The following RTN4 variants were observed in gnomAD, a reference collection of about 807,000 sequenced individuals.
The protein encoded by RTN4 is reticulon-4.
Under a neutral mutation model 90.4 loss-of-function variants are expected in RTN4, and 32 were observed. That is an observed-to-expected ratio of 0.35 (90% CI 0.27 to 0.48). The LOEUF (loss-of-function observed/expected upper bound fraction) is 0.48, where lower values mean the gene tolerates loss of function less well. Ranked by LOEUF, RTN4 falls within the 20% of genes least tolerant of loss-of-function variation. The pLI is 0.99. For missense variants in RTN4, 1,706 were observed against 1,430.2 expected (o/e 1.19, Z -3.11); for synonymous variants, 629 against 552.5 (o/e 1.14, Z -1.94).
Position 55,050,018 on chromosome 2 carries a change from G to C in RTN4, c.283C>G (p.Pro95Ala), listed in dbSNP as rs1668013058. 7.2e-7 allele frequency: 1 copy of C among 1,387,136 alleles called. No individual in the cohort carries two copies. Among genetic ancestry groups the C allele is most frequent in the Admixed American group, 3.5e-5 (1 of 28,470 alleles). 85.9% of individuals were successfully genotyped at this position (1,387,136 alleles called of 1,614,324 possible). Residue 95 changes from proline (P) to alanine (A), a missense_variant, in exon 1 of 9, where the codon CCG (proline) becomes GCG (alanine). By Grantham distance (27) the Pro-to-Ala change is conservative. Transcript: ENST00000337526. The surrounding 1 kb of genome is among the most constrained non-coding windows in gnomAD (Gnocchi z 4.6). ...TCCGGGGCGACGGGGGGAGCGGCCGGCAGGGGTCCCCGGGGCGCCGGCGGC... is the reference window on the plus strand; with the variant it reads ...TCCGGGGCGACGGGGGGAGCGGCCGCCAGGGGTCCCCGGGGCGCCGGCGGC... Reference protein sequence around the residue: ...FVPPAPRGPLPAAPPVAPERQ... With the variant: ...FVPPAPRGPLAAAPPVAPERQ...
chr2:55,078,307 T>C (rs1035662623), intron 2 of RTN4, among the ~76,000 whole-genome samples: 1 of 152,202 alleles, frequency 6.6e-6, no homozygotes. Flanking sequence ...GGTGCAATCA[T>C]GGCTCACTGC....
chr2:55,050,918 G>A (rs1668073951), upstream of RTN4: 1 of 152,238 alleles, frequency 6.6e-6, no homozygotes. The surrounding 1 kb of genome is among the most constrained non-coding windows in gnomAD (Gnocchi z 4.6). Flanking sequence ...GTTATCCTGG[G>A]GGAACTGAGA....
At chr2:55,098,166 G>C (rs1157867423) in intron 1 of RTN4, among the ~76,000 whole-genome samples, 1 of 152,034 alleles carries the variant, frequency 6.6e-6, no homozygotes, top group Non-Finnish European at 1.5e-5. Flanking sequence ...TTTTTCACCT[G>C]TTAGAGGCAG....
intron 3 of RTN4, among the ~76,000 whole-genome samples, chr2:55,017,067 T>A (rs1158545073): frequency 6.6e-6 from 1 of 152,178 alleles, no homozygotes; most frequent in Admixed American, 6.5e-5. Context: ...ATATAATCGT[T>A]TCCTTTATTA....
intron 3 of RTN4, among the ~76,000 whole-genome samples, chr2:54,988,540 G>T (rs891243213): frequency 3.3e-5 from 5 of 152,032 alleles, no homozygotes; most frequent in East Asian, 1.9e-4. Context: ...TTTTGTGCTA[G>T]TAATAACTCT....
At chr2:54,992,448 A>C (rs146162469) in intron 3 of RTN4, among the ~76,000 whole-genome samples, 1 of 152,330 alleles carries the variant, frequency 6.6e-6, no homozygotes, top group East Asian at 1.9e-4. Flanking sequence ...AAGCTAAGTG[A>C]AATTAACAAG....
chr2:54,973,737 G>T, intron 7 of RTN4, 84 bp downstream of exon 7: 2 of 1,503,452 alleles, frequency 1.3e-6, no homozygotes, highest in South Asian at 1.1e-5. Flanking sequence ...GTAAGACATT[G>T]AAAATGGGCA....
At chr2:55,038,707 T>C (rs1682859699) in intron 1 of RTN4, among the ~76,000 whole-genome samples, 2 of 152,224 alleles carry the variant, frequency 1.3e-5, no homozygotes, top group Non-Finnish European at 2.9e-5. Context: ...CAACTTCTTA[T>C]AAAGTTAAAT....
the RTN4 span, among the ~76,000 whole-genome samples, chr2:55,136,124 T>C: frequency 6.6e-6 from 1 of 152,150 alleles, no homozygotes; most frequent in Non-Finnish European, 1.5e-5. Flanking sequence ...CACCTAAAGC[T>C]GGTGATCAGC....
the RTN4 span, among the ~76,000 whole-genome samples, chr2:55,123,499 GT>G: frequency 6.6e-6 from 1 of 152,020 alleles, no homozygotes; most frequent in Non-Finnish European, 1.5e-5. Flanking sequence ...TTGAGATCTT[GT>G]ATTTGCCAAA....
chr2:55,128,757 T>C, the RTN4 span, among the ~76,000 whole-genome samples: 1 of 150,596 alleles, frequency 6.6e-6, no homozygotes, highest in Non-Finnish European at 1.5e-5. Context: ...AAAGAACTAA[T>C]ATTCAGTATA....
At position 55,025,248 on chromosome 2, in the gene RTN4, A is replaced by G. The variant is rs749462351; in HGVS notation, c.2851T>C (p.Leu951=). Residue 951 remains leucine, a synonymous_variant, in exon 3 of 9, where the codon TTG becomes CTG. Transcript: ENST00000337526. ...GCCAAAGCAGAAACATCTGGAGGCAATAAGAGCACCTTTGATGTAGCAGAC... is the reference window on the plus strand; with the variant it reads ...GCCAAAGCAGAAACATCTGGAGGCAGTAAGAGCACCTTTGATGTAGCAGAC... ...NGSATSKVLL[L]PPDVSALATQ... The G allele has an allele frequency of 1.2e-5, 20 of 1,613,916 alleles. No homozygotes were observed. In the East Asian group the frequency reaches 1.3e-4, roughly 11 times the overall value.
At chr2:55,119,694 G>T in the RTN4 span, among the ~76,000 whole-genome samples, 3 of 152,182 alleles carry the variant, frequency 2.0e-5, no homozygotes, top group Non-Finnish European at 2.9e-5. Context: ...ATCAGGGAGA[G>T]AAGTCAATAG....
intron 3 of RTN4, among the ~76,000 whole-genome samples, chr2:55,008,511 T>A (rs544935112): frequency 3.5e-4 from 54 of 152,234 alleles, no homozygotes; most frequent in Non-Finnish European, 6.2e-4. Context: ...AAGTTAATCT[T>A]ACCGACCAAA....
rs200673304 is a variant in RTN4 at position 55,027,284 on chromosome 2, G to A, written c.815C>T (p.Ala272Val). The change falls in exon 3 of 9, where the codon GCT becomes GTT. Residue 272 changes from alanine (A) to valine (V), a missense_variant. Coordinates refer to ENST00000337526, the MANE Select transcript of RTN4 (RefSeq NM_020532.5). ...EGTLQENVSEASKEVSEKAKT... is the reference protein window; with the variant it reads ...EGTLQENVSEVSKEVSEKAKT... The stretch of plus-strand genomic sequence containing the variant: ...TGCCTTCTCTGAGACCTCTTTAGAA[G>A]CTTCACTGACATTTTCTTGAAGTGT... The A allele has an allele frequency of 1.2e-6, 2 of 1,613,656 alleles. No individual in the cohort carries two copies. Among genetic ancestry groups the A allele is most frequent in the Non-Finnish European group, 8.5e-7 (1 of 1,179,746 alleles).
chr2:55,004,221 G>A (rs1370899135), intron 3 of RTN4, among the ~76,000 whole-genome samples: 2 of 152,196 alleles, frequency 1.3e-5, no homozygotes, highest in South Asian at 4.1e-4. Context: ...AGGACAATAC[G>A]AAAGAAGTAT....
intron 1 of RTN4, among the ~76,000 whole-genome samples, chr2:55,107,403 CAAAA>C (rs35664699): frequency 9.9e-6 from 1 of 101,234 alleles, no homozygotes; most frequent in Non-Finnish European, 1.9e-5. Context: ...GACTGAACCT[CAAAA>C]AAAAAAAAAA....
chr2:55,000,362 G>C (rs1427971132), intron 3 of RTN4, among the ~76,000 whole-genome samples: 2 of 152,116 alleles, frequency 1.3e-5, no homozygotes, highest in South Asian at 4.1e-4. Flanking sequence ...CAAAATTTCA[G>C]GTCCTTGTCT....
upstream of RTN4, among the ~76,000 whole-genome samples, chr2:55,113,518 G>A (rs1011992733): frequency 2.0e-5 from 3 of 152,204 alleles, no homozygotes; most frequent in African/African-American, 7.2e-5. Flanking sequence ...CAAGGGTGGT[G>A]GTGGTAGTTG....
Sources: allele counts gnomAD v4.1 joint callset (sites outside exome capture counted in the v4.1 genomes callset), GRCh38; gene constraint gnomAD v4.1.1; non-coding constraint Gnocchi (gnomAD v3.1); transcripts MANE v1.5; gene names NCBI Gene and HGNC (gene_info 2026-07-23, HGNC 2026-07-21).